Variants in SORL1 observed in about 807,000 individuals in gnomAD.
SORL1 encodes the protein sortilin-related receptor.
In SORL1, 127 loss-of-function variants were observed where a neutral mutation model predicts 273.7. That is an observed-to-expected ratio of 0.46 (90% CI 0.40 to 0.54). The LOEUF (loss-of-function observed/expected upper bound fraction) is 0.54, where lower values mean the gene tolerates loss of function less well. Ranked by LOEUF, SORL1 falls within the 20% of genes least tolerant of loss-of-function variation. The pLI, the probability that SORL1 is intolerant of heterozygous loss-of-function variation, is 0.00. For missense variants in SORL1, 2,494 were observed against 2,846.1 expected (o/e 0.88, Z 2.81); for synonymous variants, 1,031 against 1,067.4 (o/e 0.97, Z 0.66).
intron 5 of SORL1, among the ~76,000 whole-genome samples, chr11:121,493,547 G>A (rs551949301): frequency 1.3e-5 from 2 of 152,272 alleles, no homozygotes; most frequent in East Asian, 3.9e-4. Flanking sequence ...GTGAGCCACC[G>A]TGCCTGATCT....
At chr11:121,629,382 T>C (rs1324446786) in intron 47 of SORL1, 114 bp from the exon 48 acceptor site, 1 of 678,898 alleles carries the variant, frequency 1.5e-6, no homozygotes, top group African/African-American at 1.8e-5. Flanking sequence ...GCTATGGCAT[T>C]GACCTTCTCA....
chr11:121,576,084 TG>T (rs1320438095), intron 24 of SORL1, among the ~76,000 whole-genome samples: 4 of 152,244 alleles, frequency 2.6e-5, no homozygotes, highest in African/African-American at 9.6e-5. Context: ...GCCCCACGCT[TG>T]GCTGCTCCTG....
At chr11:121,506,388 G>A (rs959756820) in intron 6 of SORL1, among the ~76,000 whole-genome samples, 1 of 152,168 alleles carries the variant, frequency 6.6e-6, no homozygotes, top group African/African-American at 2.4e-5. Context: ...TGGCTGGGAA[G>A]CCTCACAATC....
chr11:121,629,607 T>C lies in SORL1; in HGVS notation c.*44T>C. On this transcript the variant is annotated 3_prime_UTR_variant, in exon 48 of 48. Transcript: ENST00000260197. ...AAACCAAATGGTGTAAATATTTTAT[T>C]TGATAAAGATAGTTGATGGTTTATT... The C allele has an allele frequency of 1.0e-6, 1 of 952,494 alleles. No individual in the cohort carries two copies. Among genetic ancestry groups the C allele is most frequent in the Non-Finnish European group, 1.7e-6 (1 of 579,424 alleles). The allele number at this position is 952,494 out of a possible 1,614,324, so 59.0% of individuals were successfully genotyped here.
chr11:121,605,633 C>T, intron 35 of SORL1, 62 bp downstream of exon 35: 1 of 1,345,740 alleles, frequency 7.4e-7, no homozygotes, highest in South Asian at 1.2e-5. Flanking sequence ...TTGTGAGGGT[C>T]TTTCTGAGTA....
intron 32 of SORL1, among the ~76,000 whole-genome samples, chr11:121,598,664 C>G (rs1863338105): frequency 3.3e-5 from 5 of 152,228 alleles, no homozygotes; most frequent in African/African-American, 1.2e-4. Flanking sequence ...GTGATGATCT[C>G]TACGGTGATG....
intron 24 of SORL1, among the ~76,000 whole-genome samples, chr11:121,575,415 C>T (rs190306922): frequency 6.6e-6 from 1 of 152,366 alleles, no homozygotes; most frequent in Non-Finnish European, 1.5e-5. Flanking sequence ...CTGACCCAGA[C>T]GTGGTGATGA....
In SORL1 at chr11:121,532,624, A is replaced by G; in HGVS notation, c.1685+72A>G. 2.4e-6 allele frequency: 3 copies of G among 1,272,114 alleles called. No homozygotes were observed. The South Asian group carries it at 3.7e-5, about 16-fold the overall frequency. The allele number at this position is 1,272,114 out of a possible 1,614,324, so 78.8% of individuals were successfully genotyped here. On this transcript the variant is annotated intron_variant, in intron 12 of 47. Coordinates refer to ENST00000260197, the MANE Select transcript of SORL1 (RefSeq NM_003105.6). ...AATTTACGTCTGTGATTATAATTGG[A>G]TTATCTCTCTATAGCACTATGTTGT... is the stretch of plus-strand genomic sequence containing the variant.
At chr11:121,494,429 T>G (rs1307933259) in intron 5 of SORL1, among the ~76,000 whole-genome samples, 2 of 152,038 alleles carry the variant, frequency 1.3e-5, no homozygotes, top group African/African-American at 4.8e-5. Context: ...GTCCGGAGCT[T>G]GAGATTGGCA....
At chr11:121,543,190 C>CA (rs1161250662) in intron 12 of SORL1, among the ~76,000 whole-genome samples, 26 of 136,580 alleles carry the variant, frequency 1.9e-4, no homozygotes, top group Admixed American at 3.0e-4. Flanking sequence ...GACTCCATCT[C>CA]AAAAAAAAAG....
intron 42 of SORL1, 46 bp from the exon 43 acceptor site, chr11:121,619,707 A>C: frequency 2.8e-6 from 4 of 1,429,520 alleles, no homozygotes; most frequent in Non-Finnish European, 1.9e-6. Flanking sequence ...AAGATTGCAT[A>C]AGGCCATGAT....
intron 26 of SORL1, among the ~76,000 whole-genome samples, chr11:121,584,128 C>T (rs1863056721): frequency 6.6e-6 from 1 of 152,072 alleles, no homozygotes; most frequent in South Asian, 2.1e-4. Context: ...TGGAAATGGC[C>T]TGATTTTTCT....
rs371583779 is a variant in SORL1, at chr11:121,509,553, C to T, written c.940-3450C>T. Among the ~76,000 whole-genome samples, 18 of 152,096 alleles carry T rather than the reference C, an allele frequency of 1.2e-4. No homozygotes were observed. In the South Asian group the frequency reaches 3.1e-3, roughly 26 times the overall value. On this transcript the variant is annotated intron_variant, in intron 6 of 47. Coordinates refer to ENST00000260197, the MANE Select transcript of SORL1 (RefSeq NM_003105.6). The stretch of plus-strand genomic sequence containing the variant: ...GTGCAGCGGCATGATCTCGGCTCAC[C>T]GCAACCTCCGCCTCCTGGGTTCAGG...
chr11:121,617,089 G>T (rs1863654032), intron 41 of SORL1, among the ~76,000 whole-genome samples: 1 of 152,228 alleles, frequency 6.6e-6, no homozygotes, highest in Admixed American at 6.5e-5. Context: ...ATAAAAGATT[G>T]TGGAGACCAA....
At chr11:121,518,072 C>T (rs930900092) in intron 8 of SORL1, among the ~76,000 whole-genome samples, 2 of 152,192 alleles carry the variant, frequency 1.3e-5, no homozygotes, top group African/African-American at 2.4e-5. Flanking sequence ...ATGGAAAGCA[C>T]TAGCTAGATG....
At chr11:121,591,202 A>C in intron 31 of SORL1, 46 bp downstream of exon 31, 1 of 1,603,824 alleles carries the variant, frequency 6.2e-7, no homozygotes, top group East Asian at 2.2e-5. Flanking sequence ...GCTATTGTGG[A>C]GAGGACCTTC....
chr11:121,466,111 C>G (rs1362159571), intron 1 of SORL1, among the ~76,000 whole-genome samples: 3 of 152,164 alleles, frequency 2.0e-5, no homozygotes, highest in Non-Finnish European at 2.9e-5. Context: ...GGCACTCGGC[C>G]CCTCCCTGCT....
chr11:121,461,054 GA>G (rs1860992147), intron 1 of SORL1, among the ~76,000 whole-genome samples: 1 of 152,054 alleles, frequency 6.6e-6, no homozygotes, highest in African/African-American at 2.4e-5. Flanking sequence ...TGTGAAACCA[GA>G]AGTGTTTGGA....
intron 44 of SORL1, among the ~76,000 whole-genome samples, chr11:121,621,890 A>C (rs77890732): frequency 6.6e-6 from 1 of 152,212 alleles, no homozygotes; most frequent in Non-Finnish European, 1.5e-5. Context: ...CCTTCTACCC[A>C]ACCCCATTTG....
Sources: allele counts gnomAD v4.1 joint callset (sites outside exome capture counted in the v4.1 genomes callset), GRCh38; gene constraint gnomAD v4.1.1; transcripts MANE v1.5; gene names NCBI Gene and HGNC (gene_info 2026-07-23, HGNC 2026-07-21).